Variants in BTRC observed in about 807,000 individuals in gnomAD.
The protein encoded by BTRC is beta-transducin repeat containing E3 ubiquitin protein ligase, also known as F-box/WD repeat-containing protein 1A.
A neutral mutation model predicts 85.5 loss-of-function variants in BTRC; 42 were observed. The ratio of observed to expected loss-of-function variants is 0.49; its 90% CI spans 0.38 to 0.64. The LOEUF (loss-of-function observed/expected upper bound fraction) is 0.64. BTRC is among the 30% of genes least tolerant of loss of function. The probability of loss-of-function intolerance (pLI) is 0.00; values close to 1 mark genes in which losing one functional copy is unlikely to be tolerated. For synonymous variants in BTRC, 255 were observed against 263.3 expected (o/e 0.97, Z 0.30); for missense variants, 594 against 743.5 (o/e 0.80, Z 2.34).
At chr10:101,427,210 C>A (rs1249918059) in intron 1 of BTRC, among the ~76,000 whole-genome samples, 1 of 148,648 alleles carries the variant, frequency 6.7e-6, no homozygotes, top group African/African-American at 2.5e-5. Context: ...CTCCGCCTTC[C>A]GGGTTCAAGC....
intron 13 of BTRC, among the ~76,000 whole-genome samples, chr10:101,545,263 A>AT (rs949551876): frequency 6.6e-6 from 1 of 151,798 alleles, no homozygotes; most frequent in Non-Finnish European, 1.5e-5. Flanking sequence ...TTTTGTTTGT[A>AT]TTTTTCCTAC....
chr10:101,416,577 T>G (rs576828360), intron 1 of BTRC, among the ~76,000 whole-genome samples: 10 of 152,122 alleles, frequency 6.6e-5, no homozygotes, highest in Non-Finnish European at 1.3e-4. Context: ...TGTTGTTGTT[T>G]TTTACCAGGG....
chr10:101,363,456 TTTTTGTTTTTTC>T (rs368705039), intron 1 of BTRC, among the ~76,000 whole-genome samples: 10,088 of 151,978 alleles, frequency 0.066, 356 homozygotes, highest in Non-Finnish European at 0.074. Context: ...TTTGTTTTTG[TTTTTGTTTTTTC>T]TTTTTTTTGA....
At chr10:101,357,257 A>G (rs913842281) in intron 1 of BTRC, among the ~76,000 whole-genome samples, 6 of 151,688 alleles carry the variant, frequency 4.0e-5, no homozygotes, top group Admixed American at 6.6e-5. Flanking sequence ...CCTGGCCAAC[A>G]TGGTGAAACC....
chr10:101,470,768 A>G (rs1040212867), intron 3 of BTRC, among the ~76,000 whole-genome samples: 3 of 152,192 alleles, frequency 2.0e-5, no homozygotes, highest in Non-Finnish European at 2.9e-5. Flanking sequence ...TCTATGATCC[A>G]TCTCAAATTA....
chr10:101,451,749 C>T (rs545560216), intron 2 of BTRC, among the ~76,000 whole-genome samples: 1 of 152,210 alleles, frequency 6.6e-6, no homozygotes, highest in South Asian at 2.1e-4. Flanking sequence ...TCAGTGTCAT[C>T]GTGCCTTTAA....
chr10:101,547,484 G>A (rs1010154079), intron 13 of BTRC, among the ~76,000 whole-genome samples: 4 of 151,566 alleles, frequency 2.6e-5, no homozygotes, highest in African/African-American at 9.7e-5. Context: ...GGGATTACGG[G>A]TGCCTGCCAC....
chr10:101,551,611 C>A (rs528391756), intron 14 of BTRC, among the ~76,000 whole-genome samples: 31 of 152,326 alleles, frequency 2.0e-4, no homozygotes, highest in African/African-American at 7.5e-4. Context: ...GCTGCCCTAG[C>A]TGCTGAGGAG....
At chr10:101,421,436 C>T (rs1321448602) in intron 1 of BTRC, among the ~76,000 whole-genome samples, 1 of 152,014 alleles carries the variant, frequency 6.6e-6, no homozygotes, top group Non-Finnish European at 1.5e-5. Flanking sequence ...TACTCATCAA[C>T]GTGTAATTTA....
At chr10:101,476,821 G>C (rs1433275022) in intron 3 of BTRC, among the ~76,000 whole-genome samples, 2 of 152,054 alleles carry the variant, frequency 1.3e-5, no homozygotes, top group African/African-American at 4.8e-5. Flanking sequence ...GTTACTGTTG[G>C]TTTTGAGTGT....
At chr10:101,405,065 G>C (rs906799867) in intron 1 of BTRC, among the ~76,000 whole-genome samples, 8 of 151,714 alleles carry the variant, frequency 5.3e-5, no homozygotes, top group African/African-American at 9.7e-5. Context: ...GTGCAGCTTG[G>C]GGGTGAACAT....
chr10:101,416,321 T>C (rs1016173405), intron 1 of BTRC, among the ~76,000 whole-genome samples: 1 of 152,236 alleles, frequency 6.6e-6, no homozygotes, highest in African/African-American at 2.4e-5. Context: ...TGTTTGTTTT[T>C]TAATTTGGCC....
chr10:101,442,875 A>G (rs1391142487), intron 2 of BTRC, among the ~76,000 whole-genome samples: 3 of 149,946 alleles, frequency 2.0e-5, no homozygotes, highest in South Asian at 2.1e-4. Context: ...TAAGTTGTAC[A>G]GATCTCACTT....
chr10:101,459,074 A>C (rs1945153834), intron 2 of BTRC, among the ~76,000 whole-genome samples: 1 of 152,228 alleles, frequency 6.6e-6, no homozygotes, highest in Non-Finnish European at 1.5e-5. Context: ...AGCTGGGATT[A>C]CACGCATATG....
intron 1 of BTRC, among the ~76,000 whole-genome samples, chr10:101,426,059 T>C (rs1944243682): frequency 6.6e-6 from 1 of 152,156 alleles, no homozygotes; most frequent in Non-Finnish European, 1.5e-5. Context: ...TTAATAAGGA[T>C]AGTAACCAAA....
intron 3 of BTRC, among the ~76,000 whole-genome samples, chr10:101,469,895 T>C (rs1945476136): frequency 1.3e-5 from 2 of 152,220 alleles, no homozygotes. Context: ...GTTTGTGAGA[T>C]TCCTCTATGT....
chr10:101,526,211 A>T lies in BTRC; in HGVS notation c.743+12A>T. Reference sequence around the variant, plus strand: ...GAACGAAGAGGATGGTGAGCCTTTAACTTTTCTTACTCTTATACGGCTTCA... The same window carrying T: ...GAACGAAGAGGATGGTGAGCCTTTATCTTTTCTTACTCTTATACGGCTTCA... On this transcript the variant is annotated intron_variant, in intron 6 of 14. Transcript: ENST00000370187. 2 of 1,612,332 alleles carry T rather than the reference A, an allele frequency of 1.2e-6. No homozygotes were observed. Among genetic ancestry groups the T allele is most frequent in the Non-Finnish European group, 1.7e-6 (2 of 1,178,842 alleles).
chr10:101,525,934 C>G, intron 5 of BTRC, 79 bp from the exon 6 acceptor site: 1 of 1,377,886 alleles, frequency 7.3e-7, no homozygotes, highest in South Asian at 1.3e-5. Flanking sequence ...AAATGCTGTT[C>G]TGTTTTAAAG....
chr10:101,415,822 T>C (rs1305068139), intron 1 of BTRC, among the ~76,000 whole-genome samples: 1 of 152,190 alleles, frequency 6.6e-6, no homozygotes, highest in Non-Finnish European at 1.5e-5. Context: ...ATTACAGGCA[T>C]GAGCCACTGC....
Sources: allele counts gnomAD v4.1 joint callset (sites outside exome capture counted in the v4.1 genomes callset), GRCh38; gene constraint gnomAD v4.1.1; transcripts MANE v1.5; gene names NCBI Gene and HGNC (gene_info 2026-07-23, HGNC 2026-07-21).